The following PHGDH variants were observed in gnomAD, a reference collection of about 807,000 sequenced individuals.
The protein encoded by PHGDH is D-3-phosphoglycerate dehydrogenase.
Under a neutral mutation model 52.6 loss-of-function variants are expected in PHGDH, and 50 were observed. The observed-to-expected ratio is 0.95, with a 90% CI of 0.76 to 1.20. The LOEUF is 1.20. PHGDH is among the 50% of genes most tolerant of loss of function. The pLI, the probability that PHGDH is intolerant of heterozygous loss-of-function variation, is 0.00. For missense variants in PHGDH, 630 were observed against 684.6 expected (o/e 0.92, Z 0.89); for synonymous variants, 271 against 280.5 (o/e 0.97, Z 0.34).
intron 5 of PHGDH, among the ~76,000 whole-genome samples, chr1:119,728,138 C>T (rs1008968638): frequency 3.3e-5 from 5 of 152,120 alleles, no homozygotes; most frequent in African/African-American, 1.2e-4. Flanking sequence ...ATGGGAAGTT[C>T]CCTACTGAAG....
At chr1:119,742,760 G>A (rs587649164) in intron 10 of PHGDH, 47 bp from the exon 11 acceptor site, 9 of 1,166,046 alleles carry the variant, frequency 7.7e-6, no homozygotes, top group Admixed American at 1.9e-5. Flanking sequence ...GAGGGTGGAC[G>A]TGGTGCAGCC....
chr1:119,721,831 A>G (rs587732015), intron 2 of PHGDH, among the ~76,000 whole-genome samples: 7 of 152,354 alleles, frequency 4.6e-5, no homozygotes, highest in Non-Finnish European at 8.8e-5. Flanking sequence ...ACCTTCTGGA[A>G]CTAAGACACT....
intron 3 of PHGDH, chr1:119,724,614 C>T (rs2101163805): frequency 2.7e-6 from 1 of 372,252 alleles, no homozygotes; most frequent in South Asian, 2.1e-5. Flanking sequence ...TGGAGAAGTA[C>T]AGAAGCCTGG....
intron 5 of PHGDH, among the ~76,000 whole-genome samples, chr1:119,731,532 C>T (rs141217369): frequency 7.2e-4 from 110 of 152,296 alleles, no homozygotes; most frequent in Admixed American, 1.8e-3. Context: ...GATGTTGAAC[C>T]TGAGGCACCA....
chr1:119,723,598 C>A, intron 3 of PHGDH, 157 bp downstream of exon 3: 1 of 696,556 alleles, frequency 1.4e-6, no homozygotes, highest in South Asian at 1.5e-5. Context: ...ACCTTTAAGG[C>A]CATCAGGTCC....
Position 119,724,395 on chromosome 1 carries a change from G to C in PHGDH, c.356+954G>C, listed in dbSNP as rs587738997. 1.0e-4 allele frequency: 21 copies of C among 205,424 alleles called. No homozygotes were observed. In the East Asian group the frequency reaches 2.1e-3, roughly 21 times the overall value. 12.7% of individuals were successfully genotyped at this position (205,424 alleles called of 1,614,324 possible). A position where few individuals can be genotyped will look rare whatever the true frequency, so the allele number is the denominator to read the frequency against. ...TTTCCCTCCTGCTGGAGGAGGATCT[G>C]GGGGAATTTACCTCTGCTCTAACTC... On this transcript the variant is annotated intron_variant, in intron 3 of 11. Transcript: ENST00000641023.
intron 1 of PHGDH, chr1:119,712,971 T>A (rs1650766906): frequency 6.6e-6 from 1 of 152,394 alleles, no homozygotes; most frequent in African/African-American, 2.4e-5. Context: ...CGCTCCCAGA[T>A]GATTTATAGT....
In PHGDH at chr1:119,724,942, C is replaced by G. The variant is rs1257134060; in HGVS notation, c.356+1501C>G. The G allele has an allele frequency of 2.0e-5, 9 of 453,218 alleles. No homozygotes were observed. In the East Asian group the frequency reaches 5.6e-4, roughly 28 times the overall value. 28.1% of individuals were successfully genotyped at this position (453,218 alleles called of 1,614,324 possible). On this transcript the variant is annotated intron_variant, in intron 3 of 11. Transcript: ENST00000641023. ...AATGCGTTCGTTTCATCAGACTGTT[C>G]CTAGCAGGGAGGACGGTAGGAGAGT...
chr1:119,741,618 G>A, intron 9 of PHGDH, 149 bp from the exon 10 acceptor site: 1 of 753,030 alleles, frequency 1.3e-6, no homozygotes, highest in Admixed American at 1.8e-5. Flanking sequence ...CCCACTGAAG[G>A]GCGAGTGGAC....
chr1:119,712,190 C>G (rs1650725681), intron 1 of PHGDH, 30 bp downstream of exon 1: 2 of 1,605,714 alleles, frequency 1.2e-6, no homozygotes, highest in South Asian at 2.2e-5. Flanking sequence ...ATTGAGGTCT[C>G]TAGGGCAACC....
At chr1:119,734,552 C>A in intron 5 of PHGDH, 82 bp from the exon 6 acceptor site, 2 of 1,389,322 alleles carry the variant, frequency 1.4e-6, no homozygotes, top group South Asian at 1.2e-5. Context: ...GGTAAATGCT[C>A]AAAAAATGTT....
At chr1:119,717,877 A>C (rs1408786385) in intron 1 of PHGDH, among the ~76,000 whole-genome samples, 10 of 152,140 alleles carry the variant, frequency 6.6e-5, no homozygotes, top group African/African-American at 2.4e-4. Flanking sequence ...TGAAGTGTTA[A>C]AGTTATTTGG....
Position 119,739,237 on chromosome 1 carries a change from C to A in PHGDH, c.946-1149C>A, listed in dbSNP as rs587632709. On this transcript the variant is annotated intron_variant, in intron 8 of 11. Coordinates refer to ENST00000641023, the MANE Select transcript of PHGDH (RefSeq NM_006623.4). ...CTCCCCGGGCTTGGGCTCTGCAGGC[C>A]CACACAGAGGACAGAGAGATGTGCC... Among the ~76,000 whole-genome samples, 12 of 152,242 alleles carry A rather than the reference C, an allele frequency of 7.9e-5. No individual in the cohort carries two copies. In the East Asian group the frequency reaches 2.1e-3, roughly 27 times the overall value.
intron 5 of PHGDH, among the ~76,000 whole-genome samples, chr1:119,731,989 G>A (rs1651714446): frequency 6.6e-6 from 1 of 152,228 alleles, no homozygotes; most frequent in Non-Finnish European, 1.5e-5. Flanking sequence ...GAGACAGCAG[G>A]TGGTGGCACA....
intron 5 of PHGDH, among the ~76,000 whole-genome samples, chr1:119,733,521 G>C (rs1027924188): frequency 5.3e-4 from 78 of 148,536 alleles, no homozygotes; most frequent in Admixed American, 3.6e-3. Flanking sequence ...TTTTTGTAGG[G>C]GGGGGGGTCT....
At chr1:119,742,638 G>T in intron 10 of PHGDH, 169 bp from the exon 11 acceptor site, 5 of 652,086 alleles carry the variant, frequency 7.7e-6, no homozygotes, top group Non-Finnish European at 1.4e-5. Context: ...AGCTGATGCC[G>T]AAGGGCACAC....
At chr1:119,728,611 A>G (rs935368469) in intron 5 of PHGDH, among the ~76,000 whole-genome samples, 1 of 152,138 alleles carries the variant, frequency 6.6e-6, no homozygotes, top group Admixed American at 6.5e-5. Context: ...GGTTGCCATC[A>G]GTAGCAGTGC....
intron 1 of PHGDH, among the ~76,000 whole-genome samples, chr1:119,714,257 C>T (rs1173693067): frequency 1.3e-5 from 2 of 152,124 alleles, no homozygotes; most frequent in African/African-American, 2.4e-5. Context: ...AAGGAAGCTT[C>T]GGCAGCGTTG....
intron 1 of PHGDH, among the ~76,000 whole-genome samples, chr1:119,719,346 C>T (rs1322426715): frequency 6.6e-6 from 1 of 152,206 alleles, no homozygotes; most frequent in African/African-American, 2.4e-5. Flanking sequence ...GGAAAGTAGG[C>T]AGGCTTAACT....
Sources: allele counts gnomAD v4.1 joint callset (sites outside exome capture counted in the v4.1 genomes callset), GRCh38; gene constraint gnomAD v4.1.1; transcripts MANE v1.5; gene names NCBI Gene and HGNC (gene_info 2026-07-23, HGNC 2026-07-21).